The following RBFOX1 variants were observed in gnomAD, a reference collection of about 807,000 sequenced individuals.
RBFOX1 encodes the protein RNA binding protein fox-1 homolog 1.
A neutral mutation model predicts 57.7 loss-of-function variants in RBFOX1; 8 were observed. The observed-to-expected ratio is 0.14, with a 90% CI of 0.08 to 0.25. The LOEUF (loss-of-function observed/expected upper bound fraction) is 0.25, where lower values mean the gene tolerates loss of function less well. Among genes scored for constraint, RBFOX1 ranks in the 10% least tolerant of loss-of-function variants. The pLI is 1.00. For missense variants in RBFOX1, 611 were observed against 548.5 expected, an observed-to-expected ratio of 1.11 and a Z score of -1.14; for synonymous variants, 326 against 222.4, an observed-to-expected ratio of 1.47 and a Z score of -4.15.
At chr16:7,516,833 A>G (rs1407019935) in intron 4 of RBFOX1, among the ~76,000 whole-genome samples, 2 of 151,836 alleles carry the variant, frequency 1.3e-5, no homozygotes, top group East Asian at 1.9e-4. Flanking sequence ...CTGAGAACAA[A>G]CTTTTTTTTT....
chr16:5,748,738 T>A (rs1396199544), intron 3 of RBFOX1, among the ~76,000 whole-genome samples: 1 of 152,156 alleles, frequency 6.6e-6, no homozygotes, highest in Non-Finnish European at 1.5e-5. Flanking sequence ...TCTTCCTCCA[T>A]CCCTTTATTT....
chr16:5,779,058 C>G (rs1321196476), intron 3 of RBFOX1, among the ~76,000 whole-genome samples: 2 of 152,132 alleles, frequency 1.3e-5, no homozygotes, highest in African/African-American at 4.8e-5. Flanking sequence ...AAAATCTAGC[C>G]TCCAAGTTAT....
intron 4 of RBFOX1, among the ~76,000 whole-genome samples, chr16:5,967,163 A>C (rs1005008671): frequency 6.6e-6 from 1 of 152,186 alleles, no homozygotes; most frequent in Non-Finnish European, 1.5e-5. Flanking sequence ...CCGCAAAGCC[A>C]CAAATATTTA....
chr16:6,272,048 A>G (rs890083876), intron 1 of RBFOX1, among the ~76,000 whole-genome samples: 2 of 152,166 alleles, frequency 1.3e-5, no homozygotes, highest in African/African-American at 2.4e-5. Flanking sequence ...GACTGTAACA[A>G]AATATTAACA....
chr16:5,563,239 G>A (rs2045949483), intron 2 of RBFOX1, among the ~76,000 whole-genome samples: 1 of 152,094 alleles, frequency 6.6e-6, no homozygotes, highest in Admixed American at 6.5e-5. Flanking sequence ...GTGAGCCACC[G>A]CGCCCAGCTG....
chr16:7,049,318 C>G (rs1394553820), intron 3 of RBFOX1, among the ~76,000 whole-genome samples: 1 of 152,040 alleles, frequency 6.6e-6, no homozygotes, highest in Non-Finnish European at 1.5e-5. Flanking sequence ...AGTTGTTTGC[C>G]CAACCTCTTG....
Position 6,589,618 on chromosome 16 carries a change from T to G in RBFOX1, c.-63-64985T>G, listed in dbSNP as rs549096972. Reference sequence around the variant, plus strand: ...AGCAATCTGGGGAGGTTCAAAATCTTGCAGCTCCTAGCTGCAGGACTCCTA... The same window carrying G: ...AGCAATCTGGGGAGGTTCAAAATCTGGCAGCTCCTAGCTGCAGGACTCCTA... On this transcript the variant is annotated intron_variant, in intron 2 of 15. Transcript: ENST00000550418. Among the ~76,000 whole-genome samples the G allele has an allele frequency of 2.0e-5, 3 of 152,348 alleles. No homozygotes were observed. The East Asian group carries it at 5.8e-4, about 29-fold the overall frequency.
intron 3 of RBFOX1, among the ~76,000 whole-genome samples, chr16:5,668,114 C>G (rs187524392): frequency 6.6e-6 from 1 of 152,122 alleles, no homozygotes; most frequent in East Asian, 1.9e-4. Flanking sequence ...AACTCTGTCT[C>G]TACTAAAAAT....
intron 1 of RBFOX1, among the ~76,000 whole-genome samples, chr16:6,198,427 C>T (rs188208409): frequency 4.6e-4 from 70 of 152,222 alleles, no homozygotes; most frequent in African/African-American, 1.6e-3. Context: ...CCACGGGAGA[C>T]CTTCTTAAAG....
chr16:6,981,597 C>T (rs757618169), intron 3 of RBFOX1, among the ~76,000 whole-genome samples: 1 of 152,138 alleles, frequency 6.6e-6, no homozygotes, highest in East Asian at 1.9e-4. Context: ...GGAGGCCTCA[C>T]AGTCATGATG....
At chr16:7,574,798 G>A (rs1299697552) in intron 5 of RBFOX1, among the ~76,000 whole-genome samples, 7 of 152,064 alleles carry the variant, frequency 4.6e-5, no homozygotes, top group African/African-American at 1.4e-4. Context: ...AGTGTTAACC[G>A]TCACAACTCC....
Position 6,748,385 on chromosome 16 carries a change from G to A in RBFOX1, c.-16+93735G>A, listed in dbSNP as rs147214202. ...TATGAGCACAAATTATTTGGGGTGG[G>A]CACTGTGGCTCACACCTATAATCCC... On this transcript the variant is annotated intron_variant, in intron 3 of 15. Transcript: ENST00000550418. Among the ~76,000 whole-genome samples the A allele has an allele frequency of 3.5e-3, 531 of 152,182 alleles. 4 individuals carry two copies. Among genetic ancestry groups the A allele is most frequent in the African/African-American group, 0.012 (515 of 41,512 alleles).
chr16:5,873,920 A>C (rs911729661), intron 4 of RBFOX1, among the ~76,000 whole-genome samples: 4 of 152,178 alleles, frequency 2.6e-5, no homozygotes, highest in African/African-American at 9.7e-5. Context: ...TGAGAAAAGG[A>C]AGAGATGGGA....
intron 3 of RBFOX1, among the ~76,000 whole-genome samples, chr16:5,679,231 C>T (rs78603963): frequency 0.015 from 2,282 of 152,294 alleles, 30 homozygotes; most frequent in Non-Finnish European, 0.024. Context: ...CAGGAGTTTT[C>T]TGTTCATCTG....
At chr16:5,967,930 TTGTGC>T (rs2059881034) in intron 4 of RBFOX1, among the ~76,000 whole-genome samples, 1 of 152,340 alleles carries the variant, frequency 6.6e-6, no homozygotes, top group South Asian at 2.1e-4. Context: ...TTTTTCGTAG[TTGTGC>T]TGTGTCTCCA....
chr16:6,469,445 T>C lies in RBFOX1; in HGVS notation c.-64+152388T>C, dbSNP rs116402534. ...GTCTGAGCTGGATTTCCTTCGTTGA[T>C]TGAGCACCAGATGAGGAATTGGCGT... On this transcript the variant is annotated intron_variant, in intron 2 of 15. Coordinates refer to ENST00000550418, the MANE Select transcript of RBFOX1 (RefSeq NM_018723.4). Among the ~76,000 whole-genome samples the C allele has an allele frequency of 4.5e-3, 685 of 152,248 alleles. 4 individuals are homozygous for C. The highest frequency in any genetic ancestry group is 0.015 in the African/African-American group (629 of 41,556).
At chr16:5,584,702 C>T (rs1005538171) in intron 2 of RBFOX1, among the ~76,000 whole-genome samples, 2 of 152,268 alleles carry the variant, frequency 1.3e-5, no homozygotes, top group East Asian at 3.9e-4. Flanking sequence ...TATTGTTAAC[C>T]AGTCCCCACT....
intron 4 of RBFOX1, among the ~76,000 whole-genome samples, chr16:7,416,414 T>C (rs934772905): frequency 6.6e-6 from 1 of 152,142 alleles, no homozygotes; most frequent in African/African-American, 2.4e-5. Flanking sequence ...CTGATATGAT[T>C]GAGTGCCTGG....
chr16:7,277,407 G>C (rs1439604720), intron 4 of RBFOX1, among the ~76,000 whole-genome samples: 1 of 152,108 alleles, frequency 6.6e-6, no homozygotes, highest in African/African-American at 2.4e-5. Flanking sequence ...CCCATCTCCA[G>C]CTGGAATGTT....
Sources: gnomAD v4.1 joint callset for allele counts (sites outside exome capture counted in the v4.1 genomes callset) on GRCh38, gnomAD v4.1.1 for gene constraint, MANE v1.5 for transcripts, NCBI Gene and HGNC (gene_info 2026-07-23, HGNC 2026-07-21) for gene names.